Variants in PEX3 observed in about 807,000 individuals in gnomAD.
PEX3 encodes peroxisomal biogenesis factor 3, also known as peroxin-3.
A neutral mutation model predicts 55.8 loss-of-function variants in PEX3; 30 were observed. The ratio of observed to expected loss-of-function variants is 0.54; its 90% CI spans 0.40 to 0.73. PEX3 has a LOEUF of 0.73. Ranked by LOEUF, PEX3 falls within the 30% of genes least tolerant of loss-of-function variation. The pLI is 0.00. For missense variants in PEX3, 351 were observed against 432.8 expected (o/e 0.81, Z 1.68); for synonymous variants, 135 against 148.4 (o/e 0.91, Z 0.66).
rs1445215474 is a variant in PEX3 at position 143,463,200 on chromosome 6, A to G, written c.287+203A>G. ...TTTTTTGCATAAAGCATTCAAGGCA[A>G]TGATATTTGTATGTATTGTTTTTCA... On this transcript the variant is annotated intron_variant, in intron 3 of 11. Coordinates refer to ENST00000367591, the MANE Select transcript of PEX3 (RefSeq NM_003630.3). This position sits in a 1 kb window ranked among gnomAD's most constrained non-coding sequence, Gnocchi z 5.7. Among the ~76,000 whole-genome samples, 3 of 152,218 alleles carry G rather than the reference A, an allele frequency of 2.0e-5. No homozygotes were observed. Among genetic ancestry groups the G allele is most frequent in the Non-Finnish European group, 4.4e-5 (3 of 68,036 alleles).
chr6:143,489,346 A>C lies in PEX3; in HGVS notation c.*120A>C. On this transcript the variant is annotated 3_prime_UTR_variant, in exon 12 of 12. Coordinates refer to ENST00000367591, the MANE Select transcript of PEX3 (RefSeq NM_003630.3). The surrounding 1 kb of genome is among the most constrained non-coding windows in gnomAD (Gnocchi z 5.5). ...ATGCCTGATAAAATATATTCTTAATAAAAGTCTTCATTTCATAATGAAATC... is the reference window on the plus strand; with the variant it reads ...ATGCCTGATAAAATATATTCTTAATCAAAGTCTTCATTTCATAATGAAATC... The C allele has an allele frequency of 3.0e-6, 2 of 663,664 alleles. No individual in the cohort carries two copies. The allele number at this position is 663,664 out of a possible 1,614,324, so 41.1% of individuals were successfully genotyped here.
At chr6:143,468,804 C>CCG (rs1780027032) in intron 4 of PEX3, among the ~76,000 whole-genome samples, 6 of 15,130 alleles carry the variant, frequency 4.0e-4, no homozygotes, top group East Asian at 1.9e-3. Context: ...AATGCTATCC[C>CCG]CCCCCCCCCC....
intron 1 of PEX3, among the ~76,000 whole-genome samples, chr6:143,456,276 G>C (rs1195895610): frequency 1.3e-5 from 2 of 152,146 alleles, no homozygotes; most frequent in Non-Finnish European, 2.9e-5. Flanking sequence ...GCTGCCAGTC[G>C]AGTATATAGA....
rs1024623650 is a variant in PEX3, at chr6:143,451,477, A to G, written c.73+362A>G. On this transcript the variant is annotated intron_variant, in intron 1 of 11. Transcript: ENST00000367591. This position sits in a 1 kb window ranked among gnomAD's most constrained non-coding sequence, Gnocchi z 4.1. ...GTGAGATTCTGCATTTCTCCTTGGCACTCTTGATACTTTGGCTCTCACCCT... is the reference window on the plus strand; with the variant it reads ...GTGAGATTCTGCATTTCTCCTTGGCGCTCTTGATACTTTGGCTCTCACCCT... Among the ~76,000 whole-genome samples, 1 of 152,036 alleles carries G rather than the reference A, an allele frequency of 6.6e-6. No homozygotes were observed. Among genetic ancestry groups the G allele is most frequent in the African/African-American group, 2.4e-5 (1 of 41,384 alleles).
chr6:143,472,364 C>G, intron 8 of PEX3, 36 bp downstream of exon 8: 3 of 1,479,156 alleles, frequency 2.0e-6, no homozygotes, highest in Non-Finnish European at 2.8e-6. Context: ...AAACCAGTTA[C>G]TCTATTCTTT....
In PEX3 at chr6:143,454,024, G is replaced by T. The variant is rs1779809782; in HGVS notation, c.73+2909G>T. On this transcript the variant is annotated intron_variant, in intron 1 of 11. Coordinates refer to ENST00000367591, the MANE Select transcript of PEX3 (RefSeq NM_003630.3). This position sits in a 1 kb window ranked among gnomAD's most constrained non-coding sequence, Gnocchi z 4.3. Reference sequence around the variant, plus strand: ...TAGTTATGATATTCAAAATTAAAATGAAATTTTTTAAAATATTAATTCATT... The same window carrying T: ...TAGTTATGATATTCAAAATTAAAATTAAATTTTTTAAAATATTAATTCATT... Among the ~76,000 whole-genome samples, 1 of 140,714 alleles carries T rather than the reference G, an allele frequency of 7.1e-6. No individual in the cohort carries two copies. The highest frequency in any genetic ancestry group is 6.8e-5 in the Admixed American group (1 of 14,634). The allele number at this position is 140,714 out of a possible 152,430, so 92.3% of individuals were successfully genotyped here.
rs989207337 is a variant in PEX3, at chr6:143,476,509, A to G, written c.818+1653A>G. 5.3e-5 allele frequency among the ~76,000 whole-genome samples: 8 copies of G among 152,224 alleles called. No homozygotes were observed. Among genetic ancestry groups the G allele is most frequent in the Non-Finnish European group, 1.2e-4 (8 of 68,044 alleles). ...ATAGAAGGAGGGAACCAATTTCAAGAGTTGAAGTAGTCTAATCAAGAGACA... is the reference window on the plus strand; with the variant it reads ...ATAGAAGGAGGGAACCAATTTCAAGGGTTGAAGTAGTCTAATCAAGAGACA... On this transcript the variant is annotated intron_variant, in intron 9 of 11. Coordinates refer to ENST00000367591, the MANE Select transcript of PEX3 (RefSeq NM_003630.3). This position sits in a 1 kb window ranked among gnomAD's most constrained non-coding sequence, Gnocchi z 5.4.
At position 143,466,356 on chromosome 6, in the gene PEX3, G is replaced by A. The variant is rs1439760964; in HGVS notation, c.288-1766G>A. Among the ~76,000 whole-genome samples the A allele has an allele frequency of 2.0e-5, 3 of 151,942 alleles. No individual in the cohort carries two copies. The highest frequency in any genetic ancestry group is 2.9e-5 in the Non-Finnish European group (2 of 67,932). On this transcript the variant is annotated intron_variant, in intron 3 of 11. Transcript: ENST00000367591. The surrounding 1 kb of genome is among the most constrained non-coding windows in gnomAD (Gnocchi z 5.4). The stretch of plus-strand genomic sequence containing the variant: ...TGCTGTAGATGCTATCTACCTGTTA[G>A]TCACTTAGTAGCCATCTTGGCCATC...
chr6:143,468,170 G>A lies in PEX3; in HGVS notation c.331+5G>A. 1 of 1,581,056 alleles carries A rather than the reference G, an allele frequency of 6.3e-7. No individual in the cohort carries two copies. Among genetic ancestry groups the A allele is most frequent in the Non-Finnish European group, 8.7e-7 (1 of 1,150,982 alleles). On this transcript the variant is annotated splice_donor_5th_base_variant and intron_variant, in intron 4 of 11. Transcript: ENST00000367591. ...GGGAGGATCTGAAGATAATAAGTAA[G>A]CCTGCATATTCTGTGTGACAGCACA...
Position 143,471,761 on chromosome 6 carries a change from G to A in PEX3, c.578+150G>A. On this transcript the variant is annotated intron_variant, in intron 7 of 11. Coordinates refer to ENST00000367591, the MANE Select transcript of PEX3 (RefSeq NM_003630.3). This position sits in a 1 kb window ranked among gnomAD's most constrained non-coding sequence, Gnocchi z 5.4. The stretch of plus-strand genomic sequence containing the variant: ...AGATACCATCCTAGGATATTGCATT[G>A]TGGGATCCATTTTCTTTATCTTTTT... 3 of 669,182 alleles carry A rather than the reference G, an allele frequency of 4.5e-6. No homozygotes were observed. The Admixed American group carries it at 8.0e-5, about 18-fold the overall frequency. 41.5% of individuals were successfully genotyped at this position (669,182 alleles called of 1,614,324 possible).
chr6:143,462,893 T>G lies in PEX3; in HGVS notation c.206-23T>G, dbSNP rs889860925. On this transcript the variant is annotated intron_variant, in intron 2 of 11. Transcript: ENST00000367591. This position sits in a 1 kb window ranked among gnomAD's most constrained non-coding sequence, Gnocchi z 4.1. Reference sequence around the variant, plus strand: ...CAGTCATATCACTTGTGACCTTTTTTATTTTTTTTGTTTGTATTACAGTGC... The same window carrying G: ...CAGTCATATCACTTGTGACCTTTTTGATTTTTTTTGTTTGTATTACAGTGC... 9 of 1,512,816 alleles carry G rather than the reference T, an allele frequency of 5.9e-6. No homozygotes were observed. In the East Asian group the frequency reaches 1.9e-4, roughly 31 times the overall value. 93.7% of individuals were successfully genotyped at this position (1,512,816 alleles called of 1,614,324 possible). A position where few individuals can be genotyped will look rare whatever the true frequency, so the allele number is the denominator to read the frequency against.
rs1348621771 is a variant in PEX3, at chr6:143,451,542, G to A, written c.73+427G>A. On this transcript the variant is annotated intron_variant, in intron 1 of 11. Coordinates refer to ENST00000367591, the MANE Select transcript of PEX3 (RefSeq NM_003630.3). This position sits in a 1 kb window ranked among gnomAD's most constrained non-coding sequence, Gnocchi z 4.1. The stretch of plus-strand genomic sequence containing the variant: ...TAATAATCTAGGGAAGTTACCTATA[G>A]GCTGCACTTCGGGTGGTGGTTAAAG... Among the ~76,000 whole-genome samples the A allele has an allele frequency of 6.6e-6, 1 of 152,202 alleles. No individual in the cohort carries two copies. The highest frequency in any genetic ancestry group is 1.5e-5 in the Non-Finnish European group (1 of 68,036).
chr6:143,480,828 T>C (rs918040380), intron 10 of PEX3, among the ~76,000 whole-genome samples: 2 of 152,006 alleles, frequency 1.3e-5, no homozygotes, highest in Non-Finnish European at 2.9e-5. Flanking sequence ...CTGGGAAACA[T>C]AGGGAGAGAC....
rs1008099459 is a variant in PEX3 at position 143,464,849 on chromosome 6, A to T, written c.287+1852A>T. 2.6e-5 allele frequency among the ~76,000 whole-genome samples: 4 copies of T among 151,902 alleles called. No individual in the cohort carries two copies. The highest frequency in any genetic ancestry group is 2.6e-4 in the Admixed American group (4 of 15,252). ...TTATATGAGACTCTGGTCTCATATA[A>T]GCCTGTTGAGCAAGTTTTTTTTTCT... is the stretch of plus-strand genomic sequence containing the variant. On this transcript the variant is annotated intron_variant, in intron 3 of 11. Coordinates refer to ENST00000367591, the MANE Select transcript of PEX3 (RefSeq NM_003630.3). The surrounding 1 kb of genome is among the most constrained non-coding windows in gnomAD (Gnocchi z 5.8).
At position 143,451,988 on chromosome 6, in the gene PEX3, A is replaced by G. The variant is rs1779776043; in HGVS notation, c.73+873A>G. Reference sequence around the variant, plus strand: ...ATAGTCTCATCACTTATTACATGCTATGTTTACAAAAGTACTTAAAATCAA... The same window carrying G: ...ATAGTCTCATCACTTATTACATGCTGTGTTTACAAAAGTACTTAAAATCAA... On this transcript the variant is annotated intron_variant, in intron 1 of 11. Transcript: ENST00000367591. This position sits in a 1 kb window ranked among gnomAD's most constrained non-coding sequence, Gnocchi z 4.1. Among the ~76,000 whole-genome samples the G allele has an allele frequency of 6.6e-6, 1 of 152,232 alleles. No individual in the cohort carries two copies. The highest frequency in any genetic ancestry group is 2.1e-4 in the South Asian group (1 of 4,828).
At position 143,453,778 on chromosome 6, in the gene PEX3, A is replaced by G. The variant is rs1165627093; in HGVS notation, c.73+2663A>G. On this transcript the variant is annotated intron_variant, in intron 1 of 11. Coordinates refer to ENST00000367591, the MANE Select transcript of PEX3 (RefSeq NM_003630.3). This position sits in a 1 kb window ranked among gnomAD's most constrained non-coding sequence, Gnocchi z 4.6. ...ATTTTGTAGAGACAGGGGTCTCACT[A>G]CATTGCTCAGACTGGTCTTGAACTC... is the stretch of plus-strand genomic sequence containing the variant. Among the ~76,000 whole-genome samples, 1 of 152,106 alleles carries G rather than the reference A, an allele frequency of 6.6e-6. No individual in the cohort carries two copies. Among genetic ancestry groups the G allele is most frequent in the Non-Finnish European group, 1.5e-5 (1 of 68,030 alleles).
At position 143,454,784 on chromosome 6, in the gene PEX3, A is replaced by G. The variant is rs191521548; in HGVS notation, c.73+3669A>G. ...AGAGCTAGCAAAGGAGAAAGGACAC[A>G]GAAGGAAAAAGAGCAATTCAAGAGG... On this transcript the variant is annotated intron_variant, in intron 1 of 11. Coordinates refer to ENST00000367591, the MANE Select transcript of PEX3 (RefSeq NM_003630.3). The surrounding 1 kb of genome is among the most constrained non-coding windows in gnomAD (Gnocchi z 4.3). 2.9e-4 allele frequency among the ~76,000 whole-genome samples: 44 copies of G among 152,366 alleles called. No homozygotes were observed. In the East Asian group the frequency reaches 8.1e-3, roughly 28 times the overall value.
chr6:143,451,322 C>T lies in PEX3; in HGVS notation c.73+207C>T, dbSNP rs1779758891. Among the ~76,000 whole-genome samples the T allele has an allele frequency of 6.6e-6, 1 of 152,148 alleles. No individual in the cohort carries two copies. Among genetic ancestry groups the T allele is most frequent in the African/African-American group, 2.4e-5 (1 of 41,442 alleles). On this transcript the variant is annotated intron_variant, in intron 1 of 11. Transcript: ENST00000367591. This position sits in a 1 kb window ranked among gnomAD's most constrained non-coding sequence, Gnocchi z 4.1. ...TGCCTCTGTGCCCTTTGCCCTGTCA[C>T]CGACTCTTAACTCTGTTTCTCACCT...
chr6:143,468,813 C>CA (rs1780029494), intron 4 of PEX3, among the ~76,000 whole-genome samples: 1 of 128,510 alleles, frequency 7.8e-6, no homozygotes, highest in Non-Finnish European at 1.7e-5. Flanking sequence ...CCCCCCCCCC[C>CA]CACCCCACGA....
Sources: gnomAD v4.1 joint callset for allele counts (sites outside exome capture counted in the v4.1 genomes callset) on GRCh38, gnomAD v4.1.1 for gene constraint, Gnocchi (gnomAD v3.1) non-coding constraint, MANE v1.5 for transcripts, NCBI Gene and HGNC (gene_info 2026-07-23, HGNC 2026-07-21) for gene names.